PMM2: variants seen among roughly 807,000 people sequenced by gnomAD.
PMM2 encodes phosphomannomutase 2.
Under a neutral mutation model 33.2 loss-of-function variants are expected in PMM2, and 35 were observed. That is an observed-to-expected ratio of 1.06 (90% CI 0.81 to 1.40). The LOEUF is 1.40. Ranked by LOEUF, PMM2 falls within the 40% of genes most tolerant of loss-of-function variation. PMM2 has a pLI of 0.00. For synonymous variants in PMM2, 153 were observed against 114.7 expected (o/e 1.33, Z -2.13); for missense variants, 386 against 306.0 (o/e 1.26, Z -1.95).
chr16:8,819,804 AT>A (rs1223018939), intron 7 of PMM2, among the ~76,000 whole-genome samples: 1 of 152,152 alleles, frequency 6.6e-6, no homozygotes, highest in Non-Finnish European at 1.5e-5. Flanking sequence ...CTGGACACTT[AT>A]GTTGTACATG....
intron 7 of PMM2, among the ~76,000 whole-genome samples, chr16:8,843,708 G>C (rs1212785288): frequency 6.6e-6 from 1 of 152,190 alleles, no homozygotes; most frequent in Non-Finnish European, 1.5e-5. Flanking sequence ...GGTTAATTAA[G>C]TCCTGTTGTG....
chr16:8,824,790 T>A (rs1256956636), intron 7 of PMM2, among the ~76,000 whole-genome samples: 2 of 152,142 alleles, frequency 1.3e-5, no homozygotes, highest in Non-Finnish European at 2.9e-5. Flanking sequence ...AACTCAAACA[T>A]TTTGTAACAG....
chr16:8,811,270 C>A (rs1041042516), intron 5 of PMM2, 92 bp downstream of exon 5: 6 of 876,698 alleles, frequency 6.8e-6, no homozygotes, highest in Admixed American at 4.0e-5. Context: ...AATCCCAACA[C>A]TTTGGGAGGC....
chr16:8,837,085 T>C (rs2060853936), intron 7 of PMM2, among the ~76,000 whole-genome samples: 1 of 151,600 alleles, frequency 6.6e-6, no homozygotes, highest in Non-Finnish European at 1.5e-5. Flanking sequence ...GATGGGTCTG[T>C]AGAAAAGGAA....
intron 7 of PMM2, among the ~76,000 whole-genome samples, chr16:8,826,722 C>T (rs1378398484): frequency 1.3e-5 from 2 of 152,106 alleles, no homozygotes; most frequent in Non-Finnish European, 2.9e-5. Context: ...TTAAACATCA[C>T]ACACACAACA....
At chr16:8,830,238 C>T (rs925224554) in intron 7 of PMM2, among the ~76,000 whole-genome samples, 1 of 152,146 alleles carries the variant, frequency 6.6e-6, no homozygotes, top group East Asian at 1.9e-4. Context: ...GCTACTGAAT[C>T]GCTGGAAGAT....
intron 4 of PMM2, chr16:8,808,608 C>G (rs915096982): frequency 6.6e-6 from 1 of 152,260 alleles, no homozygotes; most frequent in Admixed American, 6.5e-5. Context: ...TAGGGCGGAA[C>G]TGATTGCTTA....
At chr16:8,798,439 C>G (rs2060592224) in intron 1 of PMM2, among the ~76,000 whole-genome samples, 1 of 152,172 alleles carries the variant, frequency 6.6e-6, no homozygotes, top group South Asian at 2.1e-4. Context: ...GCCTCAACAT[C>G]TACAGCTTTA....
In PMM2 at chr16:8,844,512, C is replaced by T. The variant is rs1346237370; in HGVS notation, c.640-3212C>T. Among the ~76,000 whole-genome samples the T allele has an allele frequency of 2.0e-5, 3 of 152,034 alleles. No individual in the cohort carries two copies. In the East Asian group the frequency reaches 5.8e-4, roughly 29 times the overall value. ...GGTTCTTGCCCCTGCCCCAGAAAAT[C>T]AGAGAAGGGGTAGAGACACGGAAAG... is the stretch of plus-strand genomic sequence containing the variant. On this transcript the variant is annotated intron_variant, in intron 7 of 7. Coordinates refer to ENST00000268261, the MANE Select transcript of PMM2 (RefSeq NM_000303.3).
intron 7 of PMM2, among the ~76,000 whole-genome samples, chr16:8,835,221 C>G (rs559833872): frequency 3.8e-4 from 57 of 151,528 alleles, no homozygotes; most frequent in African/African-American, 1.3e-3. Flanking sequence ...ACCGCACTAA[C>G]CATGCCTAGG....
chr16:8,821,438 C>G (rs890767457), intron 7 of PMM2, among the ~76,000 whole-genome samples: 4 of 152,212 alleles, frequency 2.6e-5, no homozygotes, highest in Admixed American at 6.5e-5. Flanking sequence ...TGGCTAACAA[C>G]CAGCCCACAG....
chr16:8,832,485 C>T (rs1008414263), intron 7 of PMM2: 69 of 985,324 alleles, frequency 7.0e-5, no homozygotes, highest in African/African-American at 3.0e-4. Flanking sequence ...GGAGGAGACT[C>T]GTGCCGTTAG....
chr16:8,804,786 T>C lies in PMM2; in HGVS notation c.198T>C (p.Tyr66=), dbSNP rs766583461. 5 of 1,613,022 alleles carry C rather than the reference T, an allele frequency of 3.1e-6. No homozygotes were observed. The South Asian group carries it at 4.4e-5, about 14-fold the overall frequency. The part of the protein sequence containing the change: ...LGNDVVEKYD[Y]VFPENGLVAY... ...TTGTAGTGGTTGAAAAATACGATTA[T>C]GTGTTTCCAGAAAATGGCTTGGTAG... Residue 66 remains tyrosine, a synonymous_variant, in exon 3 of 8, where the codon TAT becomes TAC. Coordinates refer to ENST00000268261, the MANE Select transcript of PMM2 (RefSeq NM_000303.3).
chr16:8,833,739 A>G (rs1483509505), intron 7 of PMM2, among the ~76,000 whole-genome samples: 1 of 151,900 alleles, frequency 6.6e-6, no homozygotes, highest in Admixed American at 6.6e-5. Flanking sequence ...ATGAATTCAG[A>G]AACTAAATGG....
intron 7 of PMM2, among the ~76,000 whole-genome samples, chr16:8,844,169 C>T (rs2060908545): frequency 6.6e-6 from 1 of 152,080 alleles, no homozygotes; most frequent in African/African-American, 2.4e-5. Context: ...AGCGGCATTG[C>T]AGAAGAAAAT....
chr16:8,823,499 A>C (rs1384394494), intron 7 of PMM2, among the ~76,000 whole-genome samples: 1 of 152,190 alleles, frequency 6.6e-6, no homozygotes, highest in East Asian at 1.9e-4. Flanking sequence ...AAACCGTAGT[A>C]GGACAAGTTT....
At chr16:8,827,718 GCATA>G (rs1256993498) in intron 7 of PMM2, among the ~76,000 whole-genome samples, 20 of 42,824 alleles carry the variant, frequency 4.7e-4, no homozygotes, top group African/African-American at 1.9e-3. Context: ...TTAAATGTGT[GCATA>G]TATATATATA....
intron 3 of PMM2, among the ~76,000 whole-genome samples, chr16:8,805,196 T>C (rs2060640134): frequency 6.6e-6 from 1 of 152,098 alleles, no homozygotes; most frequent in African/African-American, 2.4e-5. Flanking sequence ...GCCTCCCCCA[T>C]AGCTGGGATT....
chr16:8,833,671 T>C (rs1434180326), intron 7 of PMM2, among the ~76,000 whole-genome samples: 3 of 150,760 alleles, frequency 2.0e-5, no homozygotes, highest in Non-Finnish European at 3.0e-5. Flanking sequence ...ATTGTGGGGA[T>C]GTTAGAAGAA....
Sources: allele counts gnomAD v4.1 joint callset (sites outside exome capture counted in the v4.1 genomes callset), GRCh38; gene constraint gnomAD v4.1.1; transcripts MANE v1.5; gene names NCBI Gene and HGNC (gene_info 2026-07-23, HGNC 2026-07-21).